BCL2L13: variants seen among roughly 807,000 people sequenced by gnomAD.
BCL2L13 encodes the protein BCL2 like 13.
A neutral mutation model predicts 25.8 loss-of-function variants in BCL2L13; 13 were observed. That is an observed-to-expected ratio of 0.50 (90% CI 0.33 to 0.80). BCL2L13 has a LOEUF of 0.80. BCL2L13 is among the 30% of genes least tolerant of loss of function. The pLI is 0.02. For synonymous variants in BCL2L13, 244 were observed against 230.3 expected, an observed-to-expected ratio of 1.06 and a Z score of -0.54; for missense variants, 504 against 574.9, an observed-to-expected ratio of 0.88 and a Z score of 1.26.
chr22:17,687,882 A>G (rs2059992253), intron 3 of BCL2L13, among the ~76,000 whole-genome samples: 1 of 146,580 alleles, frequency 6.8e-6, no homozygotes, highest in Non-Finnish European at 1.5e-5. Flanking sequence ...CAATGGCACA[A>G]TCTTGGCTCG....
At position 17,632,516 on chromosome 22, in the gene BCL2L13, C is replaced by G. The variant is rs1021302786; in HGVS notation, c.-650+3511C>G. Among the ~76,000 whole-genome samples, 23 of 152,204 alleles carry G rather than the reference C, an allele frequency of 1.5e-4. 1 individual carries two copies. Among genetic ancestry groups the G allele is most frequent in the Middle Eastern group, 6.8e-3 (2 of 294 alleles). Reference sequence around the variant, plus strand: ...GTATGGAATATGCTAGAGGACTATTCTACCCTCTAGCATCCCTAGGTCAGG... The same window carrying G: ...GTATGGAATATGCTAGAGGACTATTGTACCCTCTAGCATCCCTAGGTCAGG... On this transcript the variant is annotated intron_variant, in intron 1 of 6. Transcript: ENST00000399782.
At chr22:17,702,567 A>G in intron 6 of BCL2L13, 181 bp downstream of exon 6, 1 of 509,980 alleles carries the variant, frequency 2.0e-6, no homozygotes, top group Non-Finnish European at 3.3e-6. Flanking sequence ...CAGGTCCTGA[A>G]TAGCCAAGAG....
chr22:17,726,626 G>A (rs1466553601), intron 6 of BCL2L13, 51 bp from the exon 7 acceptor site: 2 of 1,560,824 alleles, frequency 1.3e-6, no homozygotes, highest in Admixed American at 1.9e-5. Context: ...TGATGTTTAT[G>A]TTTTAAATAG....
At chr22:17,704,847 G>C (rs796606989) in intron 6 of BCL2L13, among the ~76,000 whole-genome samples, 10 of 152,076 alleles carry the variant, frequency 6.6e-5, no homozygotes, top group African/African-American at 2.4e-4. Flanking sequence ...AGTGTGTTTT[G>C]ATAGAGAACT....
At chr22:17,694,027 G>T (rs1171076259) in intron 4 of BCL2L13, among the ~76,000 whole-genome samples, 1 of 151,970 alleles carries the variant, frequency 6.6e-6, no homozygotes, top group Non-Finnish European at 1.5e-5. Flanking sequence ...CAAAGTGTTG[G>T]GATTACAGGC....
At chr22:17,678,928 G>A (rs1009959518) in intron 2 of BCL2L13, among the ~76,000 whole-genome samples, 1 of 152,148 alleles carries the variant, frequency 6.6e-6, no homozygotes, top group African/African-American at 2.4e-5. Flanking sequence ...TTCTTGCATG[G>A]TGGAGTATAG....
At chr22:17,681,222 A>G (rs1170889648) in intron 2 of BCL2L13, among the ~76,000 whole-genome samples, 1 of 152,194 alleles carries the variant, frequency 6.6e-6, no homozygotes, top group African/African-American at 2.4e-5. Context: ...GGAGAATTAG[A>G]TGGGCTGGGC....
intron 6 of BCL2L13, among the ~76,000 whole-genome samples, chr22:17,723,701 G>A (rs190160747): frequency 8.5e-5 from 13 of 152,258 alleles, no homozygotes; most frequent in African/African-American, 2.9e-4. Context: ...TTGGGAGGCC[G>A]AGGTAGGTGG....
chr22:17,669,281 C>G (rs559227379), intron 2 of BCL2L13, among the ~76,000 whole-genome samples: 1 of 152,234 alleles, frequency 6.6e-6, no homozygotes, highest in East Asian at 1.9e-4. Context: ...ATCTGCCCGC[C>G]TCGGCCTCCC....
At chr22:17,667,847 T>C (rs954514907) in intron 2 of BCL2L13, among the ~76,000 whole-genome samples, 3 of 152,118 alleles carry the variant, frequency 2.0e-5, no homozygotes, top group African/African-American at 7.2e-5. Flanking sequence ...CAGATTCTTA[T>C]CAGATACATG....
At chr22:17,633,156 ATT>A (rs1240724525) in intron 1 of BCL2L13, among the ~76,000 whole-genome samples, 5 of 152,226 alleles carry the variant, frequency 3.3e-5, no homozygotes, top group Admixed American at 3.3e-4. Flanking sequence ...AACAATTAAC[ATT>A]TGTCACATTT....
At chr22:17,703,898 G>A (rs937379172) in intron 6 of BCL2L13, among the ~76,000 whole-genome samples, 16 of 152,092 alleles carry the variant, frequency 1.1e-4, no homozygotes, top group Non-Finnish European at 4.4e-5. Flanking sequence ...ATCCCATATG[G>A]TGCTTTACAA....
At chr22:17,633,034 A>G (rs1021960326) in intron 1 of BCL2L13, among the ~76,000 whole-genome samples, 9 of 152,138 alleles carry the variant, frequency 5.9e-5, no homozygotes, top group African/African-American at 1.9e-4. Flanking sequence ...GATTACAGGC[A>G]TGAGCCACTG....
intron 6 of BCL2L13, among the ~76,000 whole-genome samples, chr22:17,707,496 G>A (rs1041710376): frequency 6.6e-5 from 10 of 152,174 alleles, no homozygotes; most frequent in East Asian, 3.9e-4. Context: ...TGTGTGTTTT[G>A]TGTCAGTGGA....
intron 1 of BCL2L13, among the ~76,000 whole-genome samples, chr22:17,654,127 A>G (rs549954028): frequency 6.6e-6 from 1 of 152,168 alleles, no homozygotes; most frequent in African/African-American, 2.4e-5. Context: ...TGTTATTGAG[A>G]CAGGGTCTTG....
intron 6 of BCL2L13, chr22:17,703,667 G>A (rs952912082): frequency 2.6e-5 from 4 of 152,062 alleles, no homozygotes; most frequent in African/African-American, 9.7e-5. Context: ...TACTAATATC[G>A]AACATCCTAG....
At chr22:17,703,922 A>G (rs2060514108) in intron 6 of BCL2L13, among the ~76,000 whole-genome samples, 1 of 152,224 alleles carries the variant, frequency 6.6e-6, no homozygotes, top group African/African-American at 2.4e-5. Flanking sequence ...GGGAAGAAAA[A>G]TGCAGGGAAT....
chr22:17,695,724 C>G (rs1601697556), intron 4 of BCL2L13: 1 of 153,156 alleles, frequency 6.5e-6, no homozygotes, highest in Admixed American at 6.5e-5. Flanking sequence ...AGTGACATGT[C>G]TCTTTAGTTT....
At chr22:17,689,493 C>T (rs984674806) in intron 4 of BCL2L13, among the ~76,000 whole-genome samples, 3 of 152,128 alleles carry the variant, frequency 2.0e-5, no homozygotes, top group African/African-American at 4.8e-5. Context: ...TAATGGCTAG[C>T]GTTTTGTGCG....
Sources: allele counts gnomAD v4.1 joint callset (sites outside exome capture counted in the v4.1 genomes callset), GRCh38; gene constraint gnomAD v4.1.1; transcripts MANE v1.5; gene names NCBI Gene and HGNC (gene_info 2026-07-23, HGNC 2026-07-21).